TEC: variants seen among roughly 807,000 people sequenced by gnomAD.
TEC encodes the protein tyrosine-protein kinase Tec.
In TEC, 72 loss-of-function variants were observed where a neutral mutation model predicts 93.0. The observed-to-expected ratio is 0.77, with a 90% CI of 0.64 to 0.94. TEC has a LOEUF of 0.94. Ranked by LOEUF, TEC falls within the 40% of genes least tolerant of loss-of-function variation. TEC has a pLI of 0.00. For missense variants in TEC, 630 were observed against 757.9 expected (o/e 0.83, Z 1.98); for synonymous variants, 249 against 247.7 (o/e 1.01, Z -0.05).
intron 1 of TEC, among the ~76,000 whole-genome samples, chr4:48,235,641 T>C (rs1332842550): frequency 3.3e-5 from 5 of 152,316 alleles, no homozygotes; most frequent in South Asian, 2.1e-4. Flanking sequence ...ATCATTGTCC[T>C]GAGAGGTCAA....
intron 9 of TEC, chr4:48,155,666 T>C (rs1194887199): frequency 1.3e-5 from 2 of 152,194 alleles, no homozygotes; most frequent in East Asian, 3.8e-4. Flanking sequence ...AGGATCACAC[T>C]ATCTGGTGGG....
rs565200333 is a variant in TEC at position 48,257,062 on chromosome 4, T to C, written c.-46+12690A>G. Among the ~76,000 whole-genome samples the C allele has an allele frequency of 5.3e-5, 8 of 152,324 alleles. No homozygotes were observed. In the South Asian group the frequency reaches 1.7e-3, roughly 32 times the overall value. On this transcript the variant is annotated intron_variant, in intron 1 of 17. Transcript: ENST00000381501. ...TTTTCCATTAATCACAACTTTGTTGTTTGGTAGAACTACATTTCACTCTAT... is the reference window on the plus strand; with the variant it reads ...TTTTCCATTAATCACAACTTTGTTGCTTGGTAGAACTACATTTCACTCTAT...
chr4:48,192,135 T>C (rs527587664), intron 2 of TEC, among the ~76,000 whole-genome samples: 2 of 152,276 alleles, frequency 1.3e-5, no homozygotes, highest in Admixed American at 6.5e-5. Flanking sequence ...GGGAAACAAA[T>C]TGTGGTATAG....
chr4:48,213,217 A>G (rs150154131), intron 2 of TEC, among the ~76,000 whole-genome samples: 16 of 152,356 alleles, frequency 1.1e-4, no homozygotes, highest in African/African-American at 2.9e-4. Context: ...ATAATCTATT[A>G]AAAATCATTT....
chr4:48,173,597 G>C (rs1183674553), intron 3 of TEC, among the ~76,000 whole-genome samples: 1 of 152,174 alleles, frequency 6.6e-6, no homozygotes, highest in Non-Finnish European at 1.5e-5. Context: ...GAAGAGCTTT[G>C]CAAACTTCAA....
intron 8 of TEC, among the ~76,000 whole-genome samples, chr4:48,162,562 T>A (rs997464212): frequency 1.3e-4 from 20 of 152,338 alleles, no homozygotes; most frequent in Admixed American, 4.6e-4. Context: ...AAGGATTTTA[T>A]AATTTTTCCA....
At chr4:48,234,291 T>TG (rs1723721708) in intron 1 of TEC, among the ~76,000 whole-genome samples, 2 of 152,200 alleles carry the variant, frequency 1.3e-5, no homozygotes, top group South Asian at 4.1e-4. Flanking sequence ...AAAAGCTACT[T>TG]GGGGATGTAG....
At chr4:48,191,787 T>C (rs1230838974) in intron 2 of TEC, among the ~76,000 whole-genome samples, 2 of 152,048 alleles carry the variant, frequency 1.3e-5, no homozygotes, top group Non-Finnish European at 2.9e-5. Flanking sequence ...AAAAAAAATT[T>C]AAAAATTACC....
rs780597024 is a variant in TEC at position 48,146,368 on chromosome 4, A to C, written c.1038T>G (p.Ser346Arg). 1.9e-6 allele frequency: 3 copies of C among 1,613,872 alleles called. No individual in the cohort carries two copies. Among genetic ancestry groups the C allele is most frequent in the Non-Finnish European group, 2.5e-6 (3 of 1,179,790 alleles). The change falls in exon 12 of 18, where the codon AGT becomes AGG. Residue 346 changes from serine (S) to arginine (R), a missense_variant. Ser to Arg is a moderately radical substitution (Grantham distance 110). Coordinates refer to ENST00000381501, the MANE Select transcript of TEC (RefSeq NM_003215.3). Reference protein sequence around the residue: ...GLVTRLRYPVSVKGKNAPTTA... With the variant: ...GLVTRLRYPVRVKGKNAPTTA... ...TGGTGGGTGCATTCTTCCCTTTCAC[A>C]CTAACTGGGTACCGAAGCCTGGTGA...
intron 1 of TEC, among the ~76,000 whole-genome samples, chr4:48,243,918 T>C (rs1022825528): frequency 2.7e-5 from 4 of 149,332 alleles, no homozygotes; most frequent in East Asian, 2.0e-4. Context: ...TATACCTATG[T>C]AACAAACCTG....
At chr4:48,243,300 C>A (rs1294913370) in intron 1 of TEC, among the ~76,000 whole-genome samples, 2 of 152,214 alleles carry the variant, frequency 1.3e-5, no homozygotes, top group African/African-American at 4.8e-5. Flanking sequence ...TCTGCTTAAC[C>A]TGGCTGTAAA....
intron 1 of TEC, among the ~76,000 whole-genome samples, chr4:48,265,783 G>A (rs1255551623): frequency 6.6e-6 from 1 of 152,092 alleles, no homozygotes; most frequent in Admixed American, 6.5e-5. Flanking sequence ...AAAGTGCTGG[G>A]ATTATAGGCA....
At chr4:48,148,279 C>A (rs1398365174) in intron 11 of TEC, among the ~76,000 whole-genome samples, 2 of 151,888 alleles carry the variant, frequency 1.3e-5, no homozygotes, top group Non-Finnish European at 2.9e-5. Context: ...TTATTATTAT[C>A]TGAAAAAAAA....
intron 2 of TEC, among the ~76,000 whole-genome samples, chr4:48,180,549 G>A (rs562381704): frequency 6.6e-4 from 100 of 152,144 alleles, no homozygotes; most frequent in Middle Eastern, 3.2e-3. Flanking sequence ...GGAAGGAAGT[G>A]ATATTTTGAT....
intron 2 of TEC, among the ~76,000 whole-genome samples, chr4:48,228,087 C>A (rs1723534448): frequency 6.6e-6 from 1 of 152,144 alleles, no homozygotes; most frequent in African/African-American, 2.4e-5. Context: ...AAATCACCAA[C>A]CAGTTTTAAG....
intron 2 of TEC, among the ~76,000 whole-genome samples, chr4:48,224,353 T>C (rs1229097550): frequency 2.6e-5 from 4 of 152,216 alleles, no homozygotes; most frequent in African/African-American, 9.7e-5. Flanking sequence ...CCTATAGAAA[T>C]CAATTCCTCA....
At chr4:48,156,572 T>C (rs1720410323) in intron 9 of TEC, 108 bp downstream of exon 9, 6 of 942,072 alleles carry the variant, frequency 6.4e-6, no homozygotes, top group African/African-American at 1.7e-5. Flanking sequence ...TTGCATAGAC[T>C]TGCTCACTGC....
chr4:48,178,928 C>A (rs1721441671), intron 2 of TEC, among the ~76,000 whole-genome samples: 1 of 152,212 alleles, frequency 6.6e-6, no homozygotes, highest in South Asian at 2.1e-4. Context: ...ACCTCATAGC[C>A]TGCTAAGGCT....
chr4:48,235,945 A>G (rs1723771419), intron 1 of TEC, among the ~76,000 whole-genome samples: 1 of 152,140 alleles, frequency 6.6e-6, no homozygotes, highest in Admixed American at 6.5e-5. Context: ...ATACAATTGC[A>G]GGGCCTACAC....
Sources: gnomAD v4.1 joint callset for allele counts (sites outside exome capture counted in the v4.1 genomes callset) on GRCh38, gnomAD v4.1.1 for gene constraint, MANE v1.5 for transcripts, NCBI Gene and HGNC (gene_info 2026-07-23, HGNC 2026-07-21) for gene names.